TMCC3: variants seen among roughly 807,000 people sequenced by gnomAD.
The protein encoded by TMCC3 is transmembrane and coiled-coil domain protein 3.
Under a neutral mutation model 40.2 loss-of-function variants are expected in TMCC3, and 28 were observed. The observed-to-expected ratio is 0.70, with a 90% CI of 0.52 to 0.95. The LOEUF (loss-of-function observed/expected upper bound fraction) is 0.95. TMCC3 is among the 40% of genes least tolerant of loss of function. The pLI is 0.00. For missense variants in TMCC3, 554 were observed against 615.2 expected (o/e 0.90, Z 1.05); for synonymous variants, 255 against 248.5 (o/e 1.03, Z -0.25).
intron 1 of TMCC3, among the ~76,000 whole-genome samples, chr12:94,603,684 T>C (rs1371103809): frequency 1.3e-5 from 2 of 152,182 alleles, no homozygotes; most frequent in Non-Finnish European, 2.9e-5. Flanking sequence ...GCTAACAACA[T>C]TGATCCAGGT....
At chr12:94,592,094 C>A (rs1298371450) in intron 1 of TMCC3, among the ~76,000 whole-genome samples, 1 of 152,142 alleles carries the variant, frequency 6.6e-6, no homozygotes, top group Non-Finnish European at 1.5e-5. Context: ...ATCTTAAGGA[C>A]CTTCATATGA....
intron 1 of TMCC3, among the ~76,000 whole-genome samples, chr12:94,621,492 C>A (rs2068875615): frequency 1.3e-5 from 2 of 152,170 alleles, no homozygotes; most frequent in Admixed American, 6.5e-5. Context: ...ATCAGTATAT[C>A]CCGAACACCA....
At chr12:94,624,659 AG>A (rs1266928888) in intron 1 of TMCC3, among the ~76,000 whole-genome samples, 1 of 151,736 alleles carries the variant, frequency 6.6e-6, no homozygotes, top group African/African-American at 2.4e-5. Flanking sequence ...GGTTGCAGTG[AG>A]CCGAGATCAC....
chr12:94,644,618 T>C (rs2069008356), intron 1 of TMCC3, among the ~76,000 whole-genome samples: 1 of 152,222 alleles, frequency 6.6e-6, no homozygotes, highest in African/African-American at 2.4e-5. Flanking sequence ...AAGAAAAACC[T>C]GGCTTGAGAC....
At chr12:94,572,110 C>T (rs755480260) in intron 3 of TMCC3, among the ~76,000 whole-genome samples, 1 of 152,080 alleles carries the variant, frequency 6.6e-6, no homozygotes, top group Non-Finnish European at 1.5e-5. Context: ...AGCAACTCTC[C>T]TGCCTCAGCC....
At chr12:94,588,502 T>C (rs1255645151) in intron 1 of TMCC3, among the ~76,000 whole-genome samples, 2 of 152,196 alleles carry the variant, frequency 1.3e-5, no homozygotes, top group East Asian at 3.9e-4. Flanking sequence ...AGAAAGGCTG[T>C]TTGAGCCTCA....
chr12:94,571,775 G>T, intron 3 of TMCC3, 38 bp from the exon 4 acceptor site: 1 of 1,603,168 alleles, frequency 6.2e-7, no homozygotes, highest in South Asian at 1.1e-5. Flanking sequence ...AAACGGTGTT[G>T]GGATGGTGAG....
intron 1 of TMCC3, among the ~76,000 whole-genome samples, chr12:94,623,638 C>A (rs1347038680): frequency 2.0e-5 from 3 of 152,254 alleles, no homozygotes; most frequent in Non-Finnish European, 4.4e-5. Context: ...CACCCACGTA[C>A]AACTACCACC....
chr12:94,584,918 C>T (rs938008905), intron 1 of TMCC3, among the ~76,000 whole-genome samples: 1 of 151,398 alleles, frequency 6.6e-6, no homozygotes, highest in Admixed American at 6.6e-5. Flanking sequence ...CCTAGAGGGT[C>T]GACCACAGGA....
At chr12:94,611,728 G>A (rs1254736326) in intron 1 of TMCC3, among the ~76,000 whole-genome samples, 1 of 150,824 alleles carries the variant, frequency 6.6e-6, no homozygotes, top group Non-Finnish European at 1.5e-5. Flanking sequence ...CTAATACAAT[G>A]TAAATGCTTG....
At chr12:94,620,309 A>G (rs1164935479) in intron 1 of TMCC3, among the ~76,000 whole-genome samples, 1 of 148,250 alleles carries the variant, frequency 6.7e-6, no homozygotes, top group Non-Finnish European at 1.5e-5. Context: ...TTTTTTTGAG[A>G]CAGAGTCTTG....
intron 1 of TMCC3, among the ~76,000 whole-genome samples, chr12:94,588,137 C>T (rs1258105697): frequency 2.0e-5 from 3 of 152,178 alleles, no homozygotes; most frequent in African/African-American, 4.8e-5. Flanking sequence ...CCTTACTCAC[C>T]GGACACGGGC....
intron 1 of TMCC3, among the ~76,000 whole-genome samples, chr12:94,644,015 T>A (rs1394485296): frequency 3.3e-5 from 5 of 152,240 alleles, no homozygotes; most frequent in Non-Finnish European, 5.9e-5. Flanking sequence ...TGTTGCCTGG[T>A]GTACAGTAAG....
chr12:94,584,095 A>G (rs1314160687), intron 1 of TMCC3, among the ~76,000 whole-genome samples: 1 of 152,040 alleles, frequency 6.6e-6, no homozygotes, highest in Non-Finnish European at 1.5e-5. Context: ...TATGGTTTGG[A>G]TCTGTGTCCC....
Position 94,605,702 on chromosome 12 carries a change from C to T in TMCC3, c.79-23164G>A, listed in dbSNP as rs75846315. Among the ~76,000 whole-genome samples, 1,193 of 152,276 alleles carry T rather than the reference C, an allele frequency of 7.8e-3. 8 individuals carry two copies. The highest frequency in any genetic ancestry group is 0.011 in the Non-Finnish European group (777 of 68,018). On this transcript the variant is annotated intron_variant, in intron 1 of 3. Transcript: ENST00000261226. ...ATTATTATCACAGCCTTGGTACTTT[C>T]CATCGGGGGCTAGATAAAGAAGAGC...
At position 94,569,636 on chromosome 12, in the gene TMCC3, T is replaced by A. The variant is rs1046876326; in HGVS notation, c.*1799A>T. On this transcript the variant is annotated 3_prime_UTR_variant, in exon 4 of 4. Coordinates refer to ENST00000261226, the MANE Select transcript of TMCC3 (RefSeq NM_020698.4). ...TTGTGAATTTACTAAAACCACTCAA[T>A]TGTACGCTTAAAAAAAAAAGCAAGC... The A allele has an allele frequency of 6.6e-6, 1 of 152,170 alleles. No individual in the cohort carries two copies. The highest frequency in any genetic ancestry group is 2.4e-5 in the African/African-American group (1 of 41,440). 9.4% of individuals were successfully genotyped at this position (152,170 alleles called of 1,614,324 possible).
chr12:94,610,162 A>T (rs2138858474), intron 1 of TMCC3: 1 of 152,356 alleles, frequency 6.6e-6, no homozygotes, highest in East Asian at 1.9e-4. Context: ...CCCCATCCAA[A>T]TAGATTATCA....
At chr12:94,592,644 G>A (rs2068684440) in intron 1 of TMCC3, among the ~76,000 whole-genome samples, 1 of 34,182 alleles carries the variant, frequency 2.9e-5, no homozygotes, top group South Asian at 8.8e-4. Context: ...TTTGAGCCTG[G>A]ACAACAGGCT....
intron 1 of TMCC3, among the ~76,000 whole-genome samples, chr12:94,612,574 G>T (rs1342210748): frequency 2.6e-5 from 4 of 152,178 alleles, no homozygotes; most frequent in Admixed American, 6.5e-5. Context: ...CCCCCAAAGT[G>T]CTGGGATTAC....
Sources: allele counts gnomAD v4.1 joint callset (sites outside exome capture counted in the v4.1 genomes callset), GRCh38; gene constraint gnomAD v4.1.1; transcripts MANE v1.5; gene names NCBI Gene and HGNC (gene_info 2026-07-23, HGNC 2026-07-21).